RSRC1: variants seen among roughly 807,000 people sequenced by gnomAD.
RSRC1 encodes serine/Arginine-related protein 53.
A neutral mutation model predicts 49.1 loss-of-function variants in RSRC1; 39 were observed. The observed-to-expected ratio is 0.79, with a 90% CI of 0.61 to 1.04. The LOEUF is 1.04. Among genes scored for constraint, RSRC1 ranks in the 50% least tolerant of loss-of-function variants. The pLI is 0.00. For synonymous variants in RSRC1, 143 were observed against 130.8 expected, an observed-to-expected ratio of 1.09 and a Z score of -0.63; for missense variants, 388 against 402.4, an observed-to-expected ratio of 0.96 and a Z score of 0.31.
chr3:158,342,270 C>T (rs1730288154), intron 5 of RSRC1, among the ~76,000 whole-genome samples: 1 of 152,042 alleles, frequency 6.6e-6, no homozygotes, highest in Non-Finnish European at 1.5e-5. Flanking sequence ...TGGCTGTGTC[C>T]CCACCAAATC....
intron 7 of RSRC1, among the ~76,000 whole-genome samples, chr3:158,503,958 T>C (rs1189177815): frequency 6.6e-6 from 1 of 152,192 alleles, no homozygotes; most frequent in Non-Finnish European, 1.5e-5. Context: ...TGTGGTGTTT[T>C]TCCCCCCAGC....
intron 7 of RSRC1, among the ~76,000 whole-genome samples, chr3:158,504,360 T>A (rs1739755199): frequency 6.6e-6 from 1 of 152,212 alleles, no homozygotes; most frequent in Non-Finnish European, 1.5e-5. Context: ...TGTCTGTCCA[T>A]CCAGGTCGGA....
chr3:158,117,990 C>G lies in RSRC1; in HGVS notation c.-2-4113C>G, dbSNP rs111310159. Among the ~76,000 whole-genome samples, 1,362 of 152,004 alleles carry G rather than the reference C, an allele frequency of 9.0e-3. 22 individuals are homozygous for G. The highest frequency in any genetic ancestry group is 0.032 in the African/African-American group (1,324 of 41,398). On this transcript the variant is annotated intron_variant, in intron 1 of 9. Transcript: ENST00000611884. Reference sequence around the variant, plus strand: ...TTTGAGGCTGGGTCTCGCTCTGTCTCCCAGGCTGGAATGCAGTGGCACAAT... The same window carrying G: ...TTTGAGGCTGGGTCTCGCTCTGTCTGCCAGGCTGGAATGCAGTGGCACAAT...
At chr3:158,263,752 G>A (rs1299531361) in intron 4 of RSRC1, among the ~76,000 whole-genome samples, 2 of 152,122 alleles carry the variant, frequency 1.3e-5, no homozygotes, top group Non-Finnish European at 2.9e-5. Flanking sequence ...AGTTCTTCTT[G>A]AGTGAGTTTT....
chr3:158,364,680 A>G (rs1051699565), intron 6 of RSRC1, among the ~76,000 whole-genome samples: 1 of 152,020 alleles, frequency 6.6e-6, no homozygotes, highest in Non-Finnish European at 1.5e-5. Flanking sequence ...TAAGTATGAA[A>G]GACAATATTG....
chr3:158,430,082 AAAAT>A (rs1735703528), intron 6 of RSRC1, among the ~76,000 whole-genome samples: 1 of 141,422 alleles, frequency 7.1e-6, no homozygotes, highest in South Asian at 2.1e-4. Flanking sequence ...CAAAAAAAAT[AAAAT>A]AAAATAAAAT....
rs1032062069 is a variant in RSRC1, at chr3:158,545,684, C to G, written c.*1409C>G. 1.2e-4 allele frequency: 19 copies of G among 152,098 alleles called. 1 individual carries two copies. The highest frequency in any genetic ancestry group is 1.0e-3 in the Admixed American group (16 of 15,288). The allele number at this position is 152,098 out of a possible 1,614,324, so 9.4% of individuals were successfully genotyped here. On this transcript the variant is annotated 3_prime_UTR_variant, in exon 10 of 10. Transcript: ENST00000611884. ...CATGCTTTCCCATTCTAAATAGATG[C>G]TAGTTTTCTTTTTTCCTTGGCTGTA...
chr3:158,408,861 C>T (rs776998515), intron 6 of RSRC1, among the ~76,000 whole-genome samples: 15 of 151,876 alleles, frequency 9.9e-5, no homozygotes, highest in Non-Finnish European at 1.9e-4. Context: ...GTGAGACCCC[C>T]GTCTCTACTA....
intron 7 of RSRC1, among the ~76,000 whole-genome samples, chr3:158,479,252 T>A (rs912323654): frequency 2.0e-5 from 3 of 148,502 alleles, no homozygotes; most frequent in African/African-American, 7.3e-5. Flanking sequence ...TTTAAAATAA[T>A]TAAATATAAT....
chr3:158,256,284 T>A (rs540534252), intron 4 of RSRC1, among the ~76,000 whole-genome samples: 4 of 152,320 alleles, frequency 2.6e-5, no homozygotes, highest in African/African-American at 9.6e-5. Flanking sequence ...CTGTTGAATT[T>A]TGTCGATGGC....
intron 5 of RSRC1, among the ~76,000 whole-genome samples, chr3:158,306,328 C>T (rs1264181783): frequency 6.6e-6 from 1 of 151,694 alleles, no homozygotes; most frequent in Non-Finnish European, 1.5e-5. Context: ...TGGTATTTTA[C>T]AACTTGGACT....
At chr3:158,229,397 C>A (rs1181879393) in intron 4 of RSRC1, among the ~76,000 whole-genome samples, 21 of 117,190 alleles carry the variant, frequency 1.8e-4, no homozygotes, top group Admixed American at 3.4e-4. Context: ...TATATATATA[C>A]ACATACACAC....
rs768404390 is a variant in RSRC1, at chr3:158,110,509, C to T, written c.-3+286C>T. The stretch of plus-strand genomic sequence containing the variant: ...GGACATGTCGGAGAGTTCGCCGACT[C>T]CTCCCCTCGCCCCACGTTCCTGGTT... On this transcript the variant is annotated intron_variant, in intron 1 of 9. Transcript: ENST00000611884. The T allele has an allele frequency of 3.3e-5, 5 of 152,794 alleles. No individual in the cohort carries two copies. The East Asian group carries it at 9.6e-4, about 29-fold the overall frequency. 9.5% of individuals were successfully genotyped at this position (152,794 alleles called of 1,614,324 possible). A position where few individuals can be genotyped will look rare whatever the true frequency, so the allele number is the denominator to read the frequency against.
At chr3:158,206,040 G>A (rs1047309249) in intron 4 of RSRC1, among the ~76,000 whole-genome samples, 2 of 152,138 alleles carry the variant, frequency 1.3e-5, no homozygotes, top group Admixed American at 6.6e-5. Context: ...CAGGAAGGCC[G>A]TATTTCAGTA....
At chr3:158,191,377 T>G (rs1193969578) in intron 3 of RSRC1, among the ~76,000 whole-genome samples, 2 of 152,100 alleles carry the variant, frequency 1.3e-5, no homozygotes, top group Non-Finnish European at 2.9e-5. Flanking sequence ...TAGATAGGAC[T>G]TAACTGAATA....
At chr3:158,285,068 G>C (rs1337091338) in intron 4 of RSRC1, among the ~76,000 whole-genome samples, 1 of 152,074 alleles carries the variant, frequency 6.6e-6, no homozygotes, top group Non-Finnish European at 1.5e-5. Context: ...ATTAATTTTC[G>C]TATAAGGTGT....
chr3:158,185,375 T>C (rs1719867844), intron 3 of RSRC1, among the ~76,000 whole-genome samples: 1 of 152,026 alleles, frequency 6.6e-6, no homozygotes, highest in African/African-American at 2.4e-5. Context: ...TTATCCAGTT[T>C]TATTTTGGAA....
intron 4 of RSRC1, among the ~76,000 whole-genome samples, chr3:158,268,964 A>G (rs542542907): frequency 4.3e-4 from 65 of 152,332 alleles, no homozygotes; most frequent in Non-Finnish European, 6.8e-4. Context: ...TTGAAAATAC[A>G]TAATTATATG....
chr3:158,389,599 A>G (rs77647222), intron 6 of RSRC1, among the ~76,000 whole-genome samples: 2,894 of 152,314 alleles, frequency 0.019, 73 homozygotes, highest in African/African-American at 0.066. Flanking sequence ...AAACAACTCA[A>G]AAAGTTTTGA....
Sources: allele counts gnomAD v4.1 joint callset (sites outside exome capture counted in the v4.1 genomes callset), GRCh38; gene constraint gnomAD v4.1.1; transcripts MANE v1.5; gene names NCBI Gene and HGNC (gene_info 2026-07-23, HGNC 2026-07-21).